TFF3: variants seen among roughly 807,000 people sequenced by gnomAD.
The protein encoded by TFF3 is trefoil factor 3.
In TFF3, 6 loss-of-function variants were observed where a neutral mutation model predicts 9.7. The ratio of observed to expected loss-of-function variants is 0.62; its 90% CI spans 0.34 to 1.22. The LOEUF (loss-of-function observed/expected upper bound fraction) is 1.22. TFF3 is among the 50% of genes most tolerant of loss of function. The pLI, the probability that TFF3 is intolerant of heterozygous loss-of-function variation, is 0.04. For synonymous variants in TFF3, 48 were observed against 41.4 expected (o/e 1.16, Z -0.61); for missense variants, 93 against 98.6 (o/e 0.94, Z 0.24).
chr21:42,311,915 G>A lies in TFF3; in HGVS notation c.*341C>T. 1 of 516,244 alleles carries A rather than the reference G, an allele frequency of 1.9e-6. No individual in the cohort carries two copies. Among genetic ancestry groups the A allele is most frequent in the Middle Eastern group, 5.3e-4 (1 of 1,870 alleles). 32.0% of individuals were successfully genotyped at this position (516,244 alleles called of 1,614,324 possible). ...TTTCCTGTGACGTGGGTGCCAGTCT[G>A]GATTCAAAATATCCTTGCATGCACT... On this transcript the variant is annotated 3_prime_UTR_variant, in exon 3 of 3. Coordinates refer to ENST00000518498, the MANE Select transcript of TFF3 (RefSeq NM_003226.4).
In TFF3 at chr21:42,313,138, C is replaced by T. The variant is rs566501936; in HGVS notation, c.229+347G>A. On this transcript the variant is annotated intron_variant, in intron 2 of 2. Coordinates refer to ENST00000518498, the MANE Select transcript of TFF3 (RefSeq NM_003226.4). This position sits in a 1 kb window ranked among gnomAD's most constrained non-coding sequence, Gnocchi z 4.0. ...CACAAATGACAAGACTCTGGGGGGC[C>T]GATTTGCAAAAACAGCCCAAAAGTC... Among the ~76,000 whole-genome samples the T allele has an allele frequency of 9.2e-5, 14 of 152,228 alleles. No individual in the cohort carries two copies. The highest frequency in any genetic ancestry group is 2.1e-4 in the South Asian group (1 of 4,824).
rs1456521426 is a variant in TFF3, at chr21:42,313,608, C to T, written c.106G>A (p.Ala36Thr). ...TAGCCGCAGTCCACCCTGTCCTTGG[C>T]TGGCACGGCACACTGGTTTGCAGCT... Reference protein sequence around the residue: ...GLSANQCAVPAKDRVDCGYPH... With the variant: ...GLSANQCAVPTKDRVDCGYPH... Residue 36 changes from alanine (A) to threonine (T), a missense_variant, in exon 2 of 3, where the codon GCC (alanine) becomes ACC (threonine). Ala to Thr is a moderately conservative substitution (Grantham distance 58). Coordinates refer to ENST00000518498, the MANE Select transcript of TFF3 (RefSeq NM_003226.4). This position sits in a 1 kb window ranked among gnomAD's most constrained non-coding sequence, Gnocchi z 4.0. The T allele has an allele frequency of 6.2e-7, 1 of 1,610,542 alleles. No individual in the cohort carries two copies. The highest frequency in any genetic ancestry group is 1.7e-5 in the Admixed American group (1 of 59,774).
intron 1 of TFF3, among the ~76,000 whole-genome samples, chr21:42,314,351 G>C (rs2069347278): frequency 6.6e-6 from 1 of 152,188 alleles, no homozygotes; most frequent in Admixed American, 6.5e-5. Flanking sequence ...CAGCTGCAGA[G>C]CTTTAAAAAT....
rs976618036 is a variant in TFF3 at position 42,313,072 on chromosome 21, C to T, written c.229+413G>A. On this transcript the variant is annotated intron_variant, in intron 2 of 2. Coordinates refer to ENST00000518498, the MANE Select transcript of TFF3 (RefSeq NM_003226.4). This position sits in a 1 kb window ranked among gnomAD's most constrained non-coding sequence, Gnocchi z 4.0. Reference sequence around the variant, plus strand: ...GGTGGGGTGTGGCACCGAGGCCTGACGTCTAGGGCTGGGACCGCCTGCCGT... The same window carrying T: ...GGTGGGGTGTGGCACCGAGGCCTGATGTCTAGGGCTGGGACCGCCTGCCGT... Among the ~76,000 whole-genome samples the T allele has an allele frequency of 6.6e-6, 1 of 152,062 alleles. No homozygotes were observed. The highest frequency in any genetic ancestry group is 1.5e-5 in the Non-Finnish European group (1 of 67,982).
rs1455721204 is a variant in TFF3 at position 42,311,953 on chromosome 21, G to A, written c.*303C>T. 4.9e-6 allele frequency: 3 copies of A among 608,066 alleles called. No individual in the cohort carries two copies. The highest frequency in any genetic ancestry group is 1.8e-5 in the African/African-American group (1 of 54,362). 37.7% of individuals were successfully genotyped at this position (608,066 alleles called of 1,614,324 possible). A position where few individuals can be genotyped will look rare whatever the true frequency, so the allele number is the denominator to read the frequency against. ...CCTTGCATGCACTGCAGCTCCTTAG[G>A]GAGTCTTTTCCTGCCCTTGAGGCCT... On this transcript the variant is annotated 3_prime_UTR_variant, in exon 3 of 3. Coordinates refer to ENST00000518498, the MANE Select transcript of TFF3 (RefSeq NM_003226.4).
chr21:42,314,064 C>A (rs1179826155), intron 1 of TFF3, among the ~76,000 whole-genome samples: 1 of 152,198 alleles, frequency 6.6e-6, no homozygotes, highest in Non-Finnish European at 1.5e-5. Flanking sequence ...ATCATTGCAA[C>A]GCATGCTGCC....
At chr21:42,314,479 C>T (rs1432018680) in intron 1 of TFF3, among the ~76,000 whole-genome samples, 2 of 152,124 alleles carry the variant, frequency 1.3e-5, no homozygotes, top group Non-Finnish European at 2.9e-5. Context: ...CATAGCGAAA[C>T]TCCATCTCTA....
chr21:42,312,139 C>A lies in TFF3; in HGVS notation c.*117G>T. 1.4e-6 allele frequency: 2 copies of A among 1,397,078 alleles called. No homozygotes were observed. The highest frequency in any genetic ancestry group is 1.2e-5 in the South Asian group (1 of 86,810). The allele number at this position is 1,397,078 out of a possible 1,614,324, so 86.5% of individuals were successfully genotyped here. On this transcript the variant is annotated 3_prime_UTR_variant, in exon 3 of 3. Coordinates refer to ENST00000518498, the MANE Select transcript of TFF3 (RefSeq NM_003226.4). ...TCCAGATATGAACTTTCAGCAGAAG[C>A]GCTTGCCGGGAGCAAAGGGACAGAA... is the stretch of plus-strand genomic sequence containing the variant.
At chr21:42,314,551 G>A (rs1311386561) in intron 1 of TFF3, among the ~76,000 whole-genome samples, 1 of 152,220 alleles carries the variant, frequency 6.6e-6, no homozygotes, top group East Asian at 1.9e-4. Flanking sequence ...GCTACTTGAA[G>A]CCGAGGCACA....
chr21:42,312,784 G>T (rs775207763), intron 2 of TFF3, among the ~76,000 whole-genome samples: 84 of 152,308 alleles, frequency 5.5e-4, no homozygotes, highest in Non-Finnish European at 1.0e-3. Context: ...GGTACCTCAC[G>T]CAGGTGCGGC....
Position 42,312,015 on chromosome 21 carries a change from C to T in TFF3, c.*241G>A. 1 of 706,228 alleles carries T rather than the reference C, an allele frequency of 1.4e-6. No homozygotes were observed. The highest frequency in any genetic ancestry group is 2.6e-6 in the Non-Finnish European group (1 of 384,172). The allele number at this position is 706,228 out of a possible 1,614,324, so 43.7% of individuals were successfully genotyped here. ...CCCCTGACACCCTCCCGCCCTCTCC[C>T]ACGACGCAGCAGAAATAAAGCACAA... On this transcript the variant is annotated 3_prime_UTR_variant, in exon 3 of 3. Coordinates refer to ENST00000518498, the MANE Select transcript of TFF3 (RefSeq NM_003226.4).
intron 2 of TFF3, among the ~76,000 whole-genome samples, chr21:42,312,663 G>C (rs1353758268): frequency 6.6e-6 from 1 of 152,066 alleles, no homozygotes; most frequent in African/African-American, 2.4e-5. Flanking sequence ...GGGAGGCCCT[G>C]GGCAGGGGCC....
At chr21:42,315,239 G>C in intron 1 of TFF3, 54 bp downstream of exon 1, 2 of 1,579,920 alleles carry the variant, frequency 1.3e-6, no homozygotes, top group Non-Finnish European at 1.7e-6. Context: ...CCTTATCCTG[G>C]ATCCCTTCCC....
At chr21:42,312,925 G>A (rs921258838) in intron 2 of TFF3, among the ~76,000 whole-genome samples, 10 of 152,270 alleles carry the variant, frequency 6.6e-5, no homozygotes, top group South Asian at 4.1e-4. Flanking sequence ...TCTGTTACCC[G>A]CACAGCACGC....
intron 1 of TFF3, among the ~76,000 whole-genome samples, chr21:42,314,369 G>A (rs907093085): frequency 1.1e-4 from 16 of 152,324 alleles, no homozygotes; most frequent in Admixed American, 9.1e-4. Context: ...AATGACTGAC[G>A]TTGGCTGGGC....
Position 42,313,139 on chromosome 21 carries a change from G to C in TFF3, c.229+346C>G, listed in dbSNP as rs995089031. ...ACAAATGACAAGACTCTGGGGGGCC[G>C]ATTTGCAAAAACAGCCCAAAAGTCG... is the stretch of plus-strand genomic sequence containing the variant. On this transcript the variant is annotated intron_variant, in intron 2 of 2. Coordinates refer to ENST00000518498, the MANE Select transcript of TFF3 (RefSeq NM_003226.4). The surrounding 1 kb of genome is among the most constrained non-coding windows in gnomAD (Gnocchi z 4.0). Among the ~76,000 whole-genome samples, 1 of 152,156 alleles carries C rather than the reference G, an allele frequency of 6.6e-6. No individual in the cohort carries two copies. Among genetic ancestry groups the C allele is most frequent in the Admixed American group, 6.5e-5 (1 of 15,288 alleles).
Position 42,313,715 on chromosome 21 carries a change from C to T in TFF3, c.83-84G>A, listed in dbSNP as rs1326275411. 4 of 1,460,620 alleles carry T rather than the reference C, an allele frequency of 2.7e-6. No homozygotes were observed. Among genetic ancestry groups the T allele is most frequent in the Non-Finnish European group, 3.7e-6 (4 of 1,094,656 alleles). 90.5% of individuals were successfully genotyped at this position (1,460,620 alleles called of 1,614,324 possible). ...TTTGCTTCACTTTGCAAGTTTGCAT[C>T]CTCCCGCTCCGCCCCACCCCGCCGA... On this transcript the variant is annotated intron_variant, in intron 1 of 2. Transcript: ENST00000518498. The surrounding 1 kb of genome is among the most constrained non-coding windows in gnomAD (Gnocchi z 4.0).
chr21:42,314,257 G>A (rs910895362), intron 1 of TFF3, among the ~76,000 whole-genome samples: 3 of 152,190 alleles, frequency 2.0e-5, no homozygotes, highest in South Asian at 4.1e-4. Flanking sequence ...TGGCAATCAC[G>A]TGCAGTGTCT....
At position 42,313,316 on chromosome 21, in the gene TFF3, A is replaced by G. The variant is rs1193229397; in HGVS notation, c.229+169T>C. 6.6e-6 allele frequency among the ~76,000 whole-genome samples: 1 copy of G among 152,202 alleles called. No individual in the cohort carries two copies. On this transcript the variant is annotated intron_variant, in intron 2 of 2. Coordinates refer to ENST00000518498, the MANE Select transcript of TFF3 (RefSeq NM_003226.4). The surrounding 1 kb of genome is among the most constrained non-coding windows in gnomAD (Gnocchi z 4.0). ...GGACAGAAGAGGACAGCCCCTGGCC[A>G]TGGCTGCCCTAAGTGTGAAGCCTCT...
Sources: gnomAD v4.1 joint callset for allele counts (sites outside exome capture counted in the v4.1 genomes callset) on GRCh38, gnomAD v4.1.1 for gene constraint, Gnocchi (gnomAD v3.1) non-coding constraint, MANE v1.5 for transcripts, NCBI Gene and HGNC (gene_info 2026-07-23, HGNC 2026-07-21) for gene names.